The following BAZ1B variants were observed in gnomAD, a reference collection of about 807,000 sequenced individuals.
The protein encoded by BAZ1B is tyrosine-protein kinase BAZ1B.
A neutral mutation model predicts 153.8 loss-of-function variants in BAZ1B; 22 were observed. The observed-to-expected ratio is 0.14, with a 90% confidence interval of 0.10 to 0.20. The LOEUF (loss-of-function observed/expected upper bound fraction) is 0.20. Ranked by LOEUF, BAZ1B falls within the 10% of genes least tolerant of loss-of-function variation. The pLI, the probability that BAZ1B is intolerant of heterozygous loss-of-function variation, is 1.00. For missense variants in BAZ1B, 1,325 were observed against 1,799.3 expected, an observed-to-expected ratio of 0.74 and a Z score of 4.77; for synonymous variants, 676 against 633.4, an observed-to-expected ratio of 1.07 and a Z score of -1.01.
intron 3 of BAZ1B, among the ~76,000 whole-genome samples, chr7:73,501,706 A>T (rs543124645): frequency 6.6e-6 from 1 of 152,172 alleles, no homozygotes; most frequent in South Asian, 2.1e-4. Flanking sequence ...TCTCTCCCTG[A>T]AATACTCAAT....
At chr7:73,462,238 T>C (rs1583898427) in intron 12 of BAZ1B, among the ~76,000 whole-genome samples, 1 of 151,946 alleles carries the variant, frequency 6.6e-6, no homozygotes, top group East Asian at 1.9e-4. Context: ...TTCATTTCTT[T>C]AAAAAGAAAA....
At chr7:73,518,578 T>C (rs527365283) in intron 1 of BAZ1B, among the ~76,000 whole-genome samples, 1 of 151,664 alleles carries the variant, frequency 6.6e-6, no homozygotes, top group South Asian at 2.1e-4. Flanking sequence ...CAGTAGTGCG[T>C]GCCTGTAGTC....
intron 1 of BAZ1B, among the ~76,000 whole-genome samples, chr7:73,515,636 C>T (rs1554579186): frequency 6.7e-6 from 1 of 149,796 alleles, no homozygotes; most frequent in East Asian, 2.0e-4. Flanking sequence ...CTCCTGGACT[C>T]AAGTGATCCT....
At chr7:73,441,964 C>T in intron 19 of BAZ1B, 1 of 541,406 alleles carries the variant, frequency 1.8e-6, no homozygotes, top group Non-Finnish European at 3.3e-6. Context: ...CCTGGAAACT[C>T]TCAGAAGGGA....
chr7:73,517,658 C>A (rs1423741868), intron 1 of BAZ1B, among the ~76,000 whole-genome samples: 1 of 152,318 alleles, frequency 6.6e-6, no homozygotes, highest in African/African-American at 2.4e-5. Context: ...CCTCTCAGAG[C>A]AAATGCCAAT....
chr7:73,478,103 G>A lies in BAZ1B; in HGVS notation c.1358C>T (p.Ala453Val), dbSNP rs192313757. ...MAKGTQKMTR[A>V]PRNSGGTPRT... ...AGGTGTACCCCCAGAATTCCGTGGGGCTCGTGTCATCTTCTGCGTGCCTTT... is the reference window on the plus strand; with the variant it reads ...AGGTGTACCCCCAGAATTCCGTGGGACTCGTGTCATCTTCTGCGTGCCTTT... The change falls in exon 7 of 20, where the codon GCC becomes GTC. Residue 453 changes from alanine to valine, a missense_variant. Transcript: ENST00000339594. 2.5e-6 allele frequency: 4 copies of A among 1,614,202 alleles called. No homozygotes were observed. The highest frequency in any genetic ancestry group is 1.6e-4 in the Middle Eastern group (1 of 6,062).
chr7:73,510,897 G>T, intron 1 of BAZ1B, 45 bp from the exon 2 acceptor site: 1 of 1,496,922 alleles, frequency 6.7e-7, no homozygotes, highest in South Asian at 1.1e-5. Flanking sequence ...CAACAGAGAC[G>T]ACAAACCCAT....
In BAZ1B at chr7:73,522,276, C is replaced by T; in HGVS notation, c.-343G>A. On this transcript the variant is annotated 5_prime_UTR_variant, in exon 1 of 20. Coordinates refer to ENST00000339594, the MANE Select transcript of BAZ1B (RefSeq NM_032408.4). ...GGGAGATTCCCCTCCTCCCCCGGGC[C>T]CGGCCAACGCACACACTAACTTGCT... 1 of 374,572 alleles carries T rather than the reference C, an allele frequency of 2.7e-6. No individual in the cohort carries two copies. The highest frequency in any genetic ancestry group is 4.7e-6 in the Non-Finnish European group (1 of 210,764). 23.2% of individuals were successfully genotyped at this position (374,572 alleles called of 1,614,324 possible).
chr7:73,455,841 C>G (rs184689776), intron 13 of BAZ1B, among the ~76,000 whole-genome samples: 3 of 152,040 alleles, frequency 2.0e-5, no homozygotes, highest in African/African-American at 7.3e-5. Context: ...TGTGGACTAA[C>G]GGGACGGAGG....
intron 1 of BAZ1B, among the ~76,000 whole-genome samples, chr7:73,514,533 CAAA>C (rs561236136): frequency 1.3e-5 from 1 of 78,434 alleles, no homozygotes; most frequent in Non-Finnish European, 2.6e-5. Flanking sequence ...AACTCAGTCT[CAAA>C]AAAAAAAAAA....
intron 2 of BAZ1B, among the ~76,000 whole-genome samples, chr7:73,509,827 A>T (rs1554578326): frequency 1.3e-5 from 2 of 152,024 alleles, no homozygotes; most frequent in African/African-American, 4.8e-5. Context: ...AAAAAAAAAA[A>T]ATTTAATTAT....
chr7:73,444,457 A>G (rs1787748791), intron 16 of BAZ1B, among the ~76,000 whole-genome samples: 1 of 152,178 alleles, frequency 6.6e-6, no homozygotes, highest in East Asian at 1.9e-4. Context: ...ACTCTCACTC[A>G]TGAGAAGCCA....
rs531413042 is a variant in BAZ1B at position 73,512,866 on chromosome 7, T to C, written c.108-2014A>G. Among the ~76,000 whole-genome samples, 25 of 152,346 alleles carry C rather than the reference T, an allele frequency of 1.6e-4. No individual in the cohort carries two copies. The South Asian group carries it at 5.0e-3, about 30-fold the overall frequency. On this transcript the variant is annotated intron_variant, in intron 1 of 19. Transcript: ENST00000339594. Reference sequence around the variant, plus strand: ...TTTTTGGAAACAAGGCTGGCCTGTATCTCCTGAGCTCAAGAGATCCTCCTA... The same window carrying C: ...TTTTTGGAAACAAGGCTGGCCTGTACCTCCTGAGCTCAAGAGATCCTCCTA...
intron 1 of BAZ1B, among the ~76,000 whole-genome samples, chr7:73,518,124 G>T (rs1554579619): frequency 6.6e-6 from 1 of 152,090 alleles, no homozygotes; most frequent in African/African-American, 2.4e-5. Flanking sequence ...AAATCAGGCT[G>T]GGCGCAGTGG....
intron 16 of BAZ1B, among the ~76,000 whole-genome samples, chr7:73,444,781 G>A (rs782193401): frequency 5.3e-5 from 8 of 152,166 alleles, no homozygotes; most frequent in Non-Finnish European, 1.2e-4. Flanking sequence ...TTAGGAGGCT[G>A]AGGCAGGTGG....
At chr7:73,460,816 C>A (rs184661007) in intron 12 of BAZ1B, among the ~76,000 whole-genome samples, 1 of 152,196 alleles carries the variant, frequency 6.6e-6, no homozygotes, top group Admixed American at 6.5e-5. Flanking sequence ...AATCATGCAC[C>A]CAGCCAGGTG....
chr7:73,508,925 A>G (rs1453568601), intron 2 of BAZ1B, among the ~76,000 whole-genome samples: 3 of 151,802 alleles, frequency 2.0e-5, no homozygotes, highest in African/African-American at 7.3e-5. Flanking sequence ...AGGCAGGAGA[A>G]TGGCATGAAC....
At chr7:73,469,490 A>G (rs1554571686) in intron 9 of BAZ1B, 27 bp downstream of exon 9, 2 of 1,611,746 alleles carry the variant, frequency 1.2e-6, no homozygotes, top group Non-Finnish European at 1.7e-6. Flanking sequence ...AGGGTGAAAT[A>G]ACTCTTAGAT....
At chr7:73,471,856 C>T (rs6977319) in intron 7 of BAZ1B, among the ~76,000 whole-genome samples, 9,279 of 149,754 alleles carry the variant, frequency 0.062, 327 homozygotes, top group African/African-American at 0.079. Flanking sequence ...TAGAAAATAG[C>T]ACAAAGGTAA....
Sources: gnomAD v4.1 joint callset for allele counts (sites outside exome capture counted in the v4.1 genomes callset) on GRCh38, gnomAD v4.1.1 for gene constraint, MANE v1.5 for transcripts, NCBI Gene and HGNC (gene_info 2026-07-23, HGNC 2026-07-21) for gene names.